The following LPAR1 variants were observed in gnomAD, a reference collection of about 807,000 sequenced individuals.
The protein encoded by LPAR1 is lysophosphatidic acid receptor 1.
Under a neutral mutation model 23.8 loss-of-function variants are expected in LPAR1, and 5 were observed. The ratio of observed to expected loss-of-function variants is 0.21; its 90% CI spans 0.11 to 0.44. The LOEUF is 0.44. LPAR1 is among the 20% of genes least tolerant of loss of function. LPAR1 has a pLI of 0.99. For missense variants in LPAR1, 311 were observed against 482.8 expected, an observed-to-expected ratio of 0.64 and a Z score of 3.33; for synonymous variants, 160 against 164.7, an observed-to-expected ratio of 0.97 and a Z score of 0.22.
At chr9:110,933,101 A>G (rs2094501629) in intron 5 of LPAR1, among the ~76,000 whole-genome samples, 1 of 152,218 alleles carries the variant, frequency 6.6e-6, no homozygotes, top group Admixed American at 6.5e-5. Context: ...GATTTTTCAT[A>G]CATAGGGCTG....
intron 4 of LPAR1, among the ~76,000 whole-genome samples, chr9:110,946,712 T>C (rs919269834): frequency 6.6e-6 from 1 of 151,986 alleles, no homozygotes; most frequent in Non-Finnish European, 1.5e-5. Flanking sequence ...TACAAGACCC[T>C]GGCAGCAAGC....
intron 2 of LPAR1, among the ~76,000 whole-genome samples, chr9:110,993,203 C>T (rs1295026514): frequency 1.3e-5 from 2 of 151,956 alleles, no homozygotes; most frequent in Non-Finnish European, 2.9e-5. Context: ...TATACATGTG[C>T]TATGTTGGTT....
intron 2 of LPAR1, among the ~76,000 whole-genome samples, chr9:111,031,628 C>T (rs1020659251): frequency 6.6e-6 from 1 of 151,928 alleles, no homozygotes; most frequent in African/African-American, 2.4e-5. Context: ...TTTCTACAGG[C>T]ACTAGGTTTG....
intron 2 of LPAR1, among the ~76,000 whole-genome samples, chr9:110,988,776 C>T (rs2096840374): frequency 6.6e-6 from 1 of 152,144 alleles, no homozygotes; most frequent in South Asian, 2.1e-4. Flanking sequence ...AGCAATTCCA[C>T]TCCTAAGTAT....
At chr9:111,034,113 A>G (rs183122929) in intron 2 of LPAR1, among the ~76,000 whole-genome samples, 1 of 152,232 alleles carries the variant, frequency 6.6e-6, no homozygotes, top group South Asian at 2.1e-4. Flanking sequence ...AGTTACTTCT[A>G]CTGGAAGTTA....
intron 4 of LPAR1, among the ~76,000 whole-genome samples, chr9:110,949,611 T>G (rs2095504814): frequency 6.6e-6 from 1 of 152,190 alleles, no homozygotes; most frequent in African/African-American, 2.4e-5. Context: ...ATTACTTATT[T>G]TCCCAGTTTA....
intron 4 of LPAR1, among the ~76,000 whole-genome samples, chr9:110,946,791 CA>C (rs1564132440): frequency 6.6e-6 from 1 of 151,782 alleles, no homozygotes; most frequent in Non-Finnish European, 1.5e-5. Context: ...AAGCAAATAT[CA>C]AAAATAATTA....
intron 5 of LPAR1, among the ~76,000 whole-genome samples, chr9:110,882,292 G>C (rs1005517259): frequency 6.6e-6 from 1 of 152,122 alleles, no homozygotes; most frequent in Non-Finnish European, 1.5e-5. Context: ...TGTATCTCTG[G>C]AATCTAGAAT....
At chr9:110,943,399 A>G (rs1468306530) in intron 4 of LPAR1, among the ~76,000 whole-genome samples, 3 of 152,102 alleles carry the variant, frequency 2.0e-5, no homozygotes, top group Non-Finnish European at 4.4e-5. Flanking sequence ...GTTGTACACT[A>G]AAACTTCCAA....
chr9:111,031,417 A>G (rs2097792781), intron 2 of LPAR1, among the ~76,000 whole-genome samples: 1 of 150,424 alleles, frequency 6.6e-6, no homozygotes, highest in Non-Finnish European at 1.5e-5. Context: ...GAAAAAAAAA[A>G]AGAAAAGAAA....
rs35043548 is a variant in LPAR1 at position 110,907,916 on chromosome 9, AACACACACACACACAC to A, written c.794-32210_794-32195del. 3.0e-4 allele frequency among the ~76,000 whole-genome samples: 42 copies of A among 139,714 alleles called. 1 individual carries two copies. Among genetic ancestry groups the A allele is most frequent in the Non-Finnish European group, 4.4e-4 (28 of 64,060 alleles). 91.7% of individuals were successfully genotyped at this position (139,714 alleles called of 152,430 possible). On this transcript the variant is annotated intron_variant, in intron 5 of 5. Coordinates refer to ENST00000683809, the MANE Select transcript of LPAR1 (RefSeq NM_001351411.2). ...AAAAGAAAGACTTAACCTTTGACAA[AACACACACACACACAC>A]ACACACACACACACACACACACACA...
chr9:111,001,658 T>C (rs1476957485), intron 2 of LPAR1, among the ~76,000 whole-genome samples: 1 of 152,216 alleles, frequency 6.6e-6, no homozygotes, highest in Non-Finnish European at 1.5e-5. Flanking sequence ...GCTGGTCTCT[T>C]ATTTCCTTTT....
intron 4 of LPAR1, among the ~76,000 whole-genome samples, chr9:110,945,722 G>A (rs553392460): frequency 6.6e-6 from 1 of 152,278 alleles, no homozygotes; most frequent in Admixed American, 6.5e-5. Context: ...CTTTCCAGGA[G>A]CTCTAGGGGA....
At chr9:110,997,419 TGA>T (rs1004539272) in intron 2 of LPAR1, among the ~76,000 whole-genome samples, 1 of 152,052 alleles carries the variant, frequency 6.6e-6, no homozygotes, top group African/African-American at 2.4e-5. Context: ...TATTAACTAT[TGA>T]GAGAGAGAGA....
chr9:110,923,080 C>G (rs939328826), intron 5 of LPAR1, among the ~76,000 whole-genome samples: 2 of 151,974 alleles, frequency 1.3e-5, no homozygotes, highest in African/African-American at 4.8e-5. Flanking sequence ...ACAAAGGAGA[C>G]TTGCCCCACT....
At chr9:110,879,417 C>CAAAAAAAAA (rs71371692) in intron 5 of LPAR1, among the ~76,000 whole-genome samples, 1 of 47,176 alleles carries the variant, frequency 2.1e-5, no homozygotes, top group Non-Finnish European at 3.5e-5. Flanking sequence ...GACTCCATCT[C>CAAAAAAAAA]AAAAAAAAAA....
intron 4 of LPAR1, among the ~76,000 whole-genome samples, chr9:110,969,629 T>G (rs1439784088): frequency 1.3e-5 from 2 of 151,642 alleles, no homozygotes; most frequent in African/African-American, 2.4e-5. Context: ...GGAGAATTGC[T>G]GGAACCCAGA....
chr9:110,976,570 C>T (rs2096559870), intron 2 of LPAR1, among the ~76,000 whole-genome samples: 1 of 152,110 alleles, frequency 6.6e-6, no homozygotes, highest in Non-Finnish European at 1.5e-5. Flanking sequence ...CTGCCACCAA[C>T]CTAACTCTCC....
rs186385302 is a variant in LPAR1 at position 111,027,688 on chromosome 9, T to C, written c.-182+8434A>G. Among the ~76,000 whole-genome samples, 24 of 151,750 alleles carry C rather than the reference T, an allele frequency of 1.6e-4. No individual in the cohort carries two copies. In the East Asian group the frequency reaches 4.3e-3, roughly 27 times the overall value. ...AGTGATAGAAAGCCTTAACTCAAAG[T>C]TGACCTTTGAGTTAAGACATGAAAA... is the stretch of plus-strand genomic sequence containing the variant. On this transcript the variant is annotated intron_variant, in intron 2 of 5. Coordinates refer to ENST00000683809, the MANE Select transcript of LPAR1 (RefSeq NM_001351411.2).
Sources: gnomAD v4.1 joint callset for allele counts (sites outside exome capture counted in the v4.1 genomes callset) on GRCh38, gnomAD v4.1.1 for gene constraint, MANE v1.5 for transcripts, NCBI Gene and HGNC (gene_info 2026-07-23, HGNC 2026-07-21) for gene names.